The following RAB38 variants were observed in gnomAD, a reference collection of about 807,000 sequenced individuals.
The protein encoded by RAB38 is RAB38, member RAS oncogene family, also known as ras-related protein Rab-38.
In RAB38, 15 loss-of-function variants were observed where a neutral mutation model predicts 18.4. The observed-to-expected ratio is 0.82, with a 90% confidence interval of 0.55 to 1.26. The LOEUF is 1.26. Among genes scored for constraint, RAB38 ranks in the 50% most tolerant of loss-of-function variants. The pLI, the probability that RAB38 is intolerant of heterozygous loss-of-function variation, is 0.00. For synonymous variants in RAB38, 101 were observed against 104.4 expected, an observed-to-expected ratio of 0.97 and a Z score of 0.20; for missense variants, 294 against 267.4, an observed-to-expected ratio of 1.10 and a Z score of -0.69.
the RAB38 span, among the ~76,000 whole-genome samples, chr11:88,088,498 A>C: frequency 1.3e-5 from 2 of 151,896 alleles, no homozygotes; most frequent in Non-Finnish European, 2.9e-5. Flanking sequence ...TAAAGATTTT[A>C]TGAAGACTAA....
chr11:87,973,294 G>GA, the RAB38 span, among the ~76,000 whole-genome samples: 2 of 151,878 alleles, frequency 1.3e-5, no homozygotes. Context: ...AATTATCAGA[G>GA]AAAAAAATAA....
At chr11:88,057,692 A>G in the RAB38 span, among the ~76,000 whole-genome samples, 1 of 152,128 alleles carries the variant, frequency 6.6e-6, no homozygotes, top group African/African-American at 2.4e-5. Flanking sequence ...CATGAATACA[A>G]TTTTTAAAAA....
At chr11:87,866,652 C>T in the RAB38 span, among the ~76,000 whole-genome samples, 1 of 151,782 alleles carries the variant, frequency 6.6e-6, no homozygotes, top group African/African-American at 2.4e-5. Flanking sequence ...GTATATTGAA[C>T]TCCTACCGTG....
At chr11:88,067,851 C>T in the RAB38 span, among the ~76,000 whole-genome samples, 3 of 151,568 alleles carry the variant, frequency 2.0e-5, no homozygotes, top group Non-Finnish European at 2.9e-5. Flanking sequence ...ACCACCGTGG[C>T]ACATGTATAC....
the RAB38 span, among the ~76,000 whole-genome samples, chr11:87,950,923 A>C: frequency 2.6e-5 from 4 of 152,184 alleles, no homozygotes; most frequent in African/African-American, 9.6e-5. Flanking sequence ...CTGAATCTGA[A>C]TGTTGGCCTG....
chr11:88,157,081 T>A (rs1375279559), intron 1 of RAB38, among the ~76,000 whole-genome samples: 3 of 152,170 alleles, frequency 2.0e-5, no homozygotes, highest in Non-Finnish European at 4.4e-5. Flanking sequence ...CCCATCCGTA[T>A]GCTATCTTCA....
chr11:88,053,462 AAT>A, the RAB38 span, among the ~76,000 whole-genome samples: 17 of 139,320 alleles, frequency 1.2e-4, no homozygotes, highest in Non-Finnish European at 2.0e-4. Flanking sequence ...ATATATATGG[AAT>A]ATATATATAT....
chr11:87,840,369 C>T, the RAB38 span, among the ~76,000 whole-genome samples: 3 of 152,090 alleles, frequency 2.0e-5, no homozygotes, highest in Non-Finnish European at 4.4e-5. Flanking sequence ...ACTAAGGTGG[C>T]CAAGTGGTAA....
At chr11:88,166,814 A>C (rs1388268315) in intron 1 of RAB38, 1 of 152,148 alleles carries the variant, frequency 6.6e-6, no homozygotes, top group Non-Finnish European at 1.5e-5. Context: ...TCAATTCTAA[A>C]TTATACTTTT....
At chr11:88,112,036 G>T (rs11820367), downstream of RAB38, among the ~76,000 whole-genome samples, 6,438 of 152,202 alleles carry the variant, frequency 0.042, 162 homozygotes, top group South Asian at 0.066. Flanking sequence ...TCAATGCCAG[G>T]TAGACTTGTC....
At chr11:88,081,991 T>C in the RAB38 span, among the ~76,000 whole-genome samples, 1 of 151,768 alleles carries the variant, frequency 6.6e-6, no homozygotes, top group Non-Finnish European at 1.5e-5. Context: ...AAGTGAAAAA[T>C]TCCAAACACA....
chr11:88,067,616 C>T, the RAB38 span, among the ~76,000 whole-genome samples: 1 of 152,230 alleles, frequency 6.6e-6, no homozygotes, highest in South Asian at 2.1e-4. Context: ...CCCCATTTTA[C>T]TCTTGTGGAA....
the RAB38 span, among the ~76,000 whole-genome samples, chr11:87,970,896 A>G: frequency 1.3e-5 from 2 of 152,044 alleles, no homozygotes; most frequent in African/African-American, 4.8e-5. Flanking sequence ...AAACATTTAC[A>G]CAATTCTGGT....
chr11:87,865,020 TGA>T, the RAB38 span, among the ~76,000 whole-genome samples: 1 of 151,724 alleles, frequency 6.6e-6, no homozygotes, highest in African/African-American at 2.4e-5. Context: ...TTTGACAAAA[TGA>T]GAGTCACTTA....
the RAB38 span, among the ~76,000 whole-genome samples, chr11:87,866,330 C>G: frequency 1.3e-5 from 2 of 151,838 alleles, no homozygotes; most frequent in Non-Finnish European, 2.9e-5. Flanking sequence ...CTCTGGCAAG[C>G]ACTAATACTA....
chr11:88,025,841 C>A, the RAB38 span, among the ~76,000 whole-genome samples: 1 of 152,060 alleles, frequency 6.6e-6, no homozygotes, highest in Non-Finnish European at 1.5e-5. Flanking sequence ...ACTCTATTGA[C>A]AGTTTATTTT....
the RAB38 span, among the ~76,000 whole-genome samples, chr11:88,108,043 T>C: frequency 6.6e-6 from 1 of 152,180 alleles, no homozygotes; most frequent in Admixed American, 6.5e-5. Context: ...CTTCCAATTA[T>C]ATGATCAATT....
the RAB38 span, among the ~76,000 whole-genome samples, chr11:87,922,998 A>C: frequency 6.6e-6 from 1 of 151,736 alleles, no homozygotes; most frequent in Non-Finnish European, 1.5e-5. Flanking sequence ...AGAATAGGGG[A>C]ACAAGGAAAG....
chr11:87,829,423 T>C, the RAB38 span, among the ~76,000 whole-genome samples: 12 of 152,136 alleles, frequency 7.9e-5, no homozygotes, highest in Non-Finnish European at 1.5e-4. Context: ...TGATTCACAG[T>C]TCCCCATGGC....
Sources: allele counts gnomAD v4.1 joint callset (sites outside exome capture counted in the v4.1 genomes callset), GRCh38; gene constraint gnomAD v4.1.1; transcripts MANE v1.5; gene names NCBI Gene and HGNC (gene_info 2026-07-23, HGNC 2026-07-21).